WDPCP: variants seen among roughly 807,000 people sequenced by gnomAD.
WDPCP encodes WD repeat-containing and planar cell polarity effector protein fritz homolog.
WDPCP carries 71 observed loss-of-function variants against 93.1 expected under a neutral mutation model. That is an observed-to-expected ratio of 0.76 (90% confidence interval 0.63 to 0.93). The LOEUF is 0.93. Among genes scored for constraint, WDPCP ranks in the 40% least tolerant of loss-of-function variants. The probability of loss-of-function intolerance (pLI) is 0.00; values close to 1 mark genes in which losing one functional copy is unlikely to be tolerated. For synonymous variants in WDPCP, 315 were observed against 315.0 expected (o/e 1.00, Z 0.00); for missense variants, 844 against 887.4 (o/e 0.95, Z 0.62).
chr2:63,714,267 C>T (rs947515498), intron 2 of WDPCP, among the ~76,000 whole-genome samples: 1 of 151,784 alleles, frequency 6.6e-6, no homozygotes, highest in Non-Finnish European at 1.5e-5. Context: ...ACCATCTTGG[C>T]CAGCTGGTCA....
chr2:63,690,161 C>T (rs956058576), intron 2 of WDPCP, among the ~76,000 whole-genome samples: 1 of 152,224 alleles, frequency 6.6e-6, no homozygotes. Context: ...CTGTTCTACC[C>T]TGTTCAAAGC....
intron 12 of WDPCP, among the ~76,000 whole-genome samples, chr2:63,341,006 T>A (rs1229595764): frequency 6.6e-6 from 1 of 152,244 alleles, no homozygotes; most frequent in Non-Finnish European, 1.5e-5. Context: ...TTCTGGGACC[T>A]CTTAAGAGTC....
chr2:63,163,542 G>C (rs761400705), intron 15 of WDPCP, among the ~76,000 whole-genome samples: 12 of 152,128 alleles, frequency 7.9e-5, no homozygotes, highest in Non-Finnish European at 1.8e-4. Context: ...ATTTATTTCA[G>C]TTTAAGATAC....
chr2:63,516,944 T>C lies in WDPCP; in HGVS notation c.76-24004A>G, dbSNP rs140455437. Among the ~76,000 whole-genome samples, 687 of 151,318 alleles carry C rather than the reference T, an allele frequency of 4.5e-3. 8 individuals carry two copies. The highest frequency in any genetic ancestry group is 0.016 in the African/African-American group (643 of 40,942). On this transcript the variant is annotated intron_variant, in intron 1 of 17. Transcript: ENST00000272321. ...GAGGACAGGGAGAGAAACAGGGAGG[T>C]AGGGAAGAAGGTGGGAGAAAGAAGT...
At chr2:63,569,658 C>T (rs1707332721) in intron 1 of WDPCP, among the ~76,000 whole-genome samples, 1 of 152,174 alleles carries the variant, frequency 6.6e-6, no homozygotes, top group Non-Finnish European at 1.5e-5. Flanking sequence ...CATTTGCTAA[C>T]TCACGTGGGC....
intron 6 of WDPCP, among the ~76,000 whole-genome samples, chr2:63,469,689 GCCTA>G (rs1024053859): frequency 6.6e-6 from 1 of 152,108 alleles, no homozygotes; most frequent in Admixed American, 6.6e-5. Flanking sequence ...AGACACTGGG[GCCTA>G]CCTGAGGATG....
chr2:63,211,246 C>A (rs765423093), intron 14 of WDPCP, among the ~76,000 whole-genome samples: 1 of 152,186 alleles, frequency 6.6e-6, no homozygotes, highest in Non-Finnish European at 1.5e-5. Context: ...CGGCCAGGTG[C>A]CCCTCTGAGA....
intron 2 of WDPCP, among the ~76,000 whole-genome samples, chr2:63,784,289 T>C (rs1670438385): frequency 6.6e-6 from 1 of 152,120 alleles, no homozygotes; most frequent in Non-Finnish European, 1.5e-5. Context: ...TAGAAGGGCA[T>C]TCAAAGGAAG....
intron 12 of WDPCP, 158 bp downstream of exon 12, chr2:63,378,228 A>T: frequency 1.0e-6 from 1 of 1,002,830 alleles, no homozygotes; most frequent in Non-Finnish European, 1.4e-6. Context: ...AATGAAAACA[A>T]TAACAAATTA....
chr2:63,254,295 G>A (rs973707038), intron 14 of WDPCP, among the ~76,000 whole-genome samples: 5 of 152,020 alleles, frequency 3.3e-5, no homozygotes, highest in Non-Finnish European at 7.4e-5. Context: ...CTGGGTGATG[G>A]GGATCATTCA....
At chr2:63,297,324 A>G (rs1349397950) in intron 13 of WDPCP, among the ~76,000 whole-genome samples, 1 of 152,218 alleles carries the variant, frequency 6.6e-6, no homozygotes, top group Non-Finnish European at 1.5e-5. Flanking sequence ...TATGGAATAG[A>G]TCCTCAGGTT....
At chr2:63,743,757 T>C (rs1241798076) in intron 2 of WDPCP, among the ~76,000 whole-genome samples, 3 of 152,144 alleles carry the variant, frequency 2.0e-5, no homozygotes, top group African/African-American at 4.8e-5. Context: ...AAAAATACCA[T>C]GAGCTGCTTA....
At chr2:63,344,490 C>A (rs1248886632) in intron 12 of WDPCP, among the ~76,000 whole-genome samples, 1 of 152,146 alleles carries the variant, frequency 6.6e-6, no homozygotes, top group East Asian at 1.9e-4. Context: ...TATTTCTGAG[C>A]CTGTGTCCAG....
rs542348306 is a variant in WDPCP at position 63,484,680 on chromosome 2, A to G, written c.325-17T>C. On this transcript the variant is annotated splice_polypyrimidine_tract_variant and intron_variant, in intron 5 of 17. Transcript: ENST00000272321. Reference sequence around the variant, plus strand: ...CATCAGCTCCTGAAGCACAACAGAAAAAGAGAGAGCGTAGTTGGCTGTACA... The same window carrying G: ...CATCAGCTCCTGAAGCACAACAGAAGAAGAGAGAGCGTAGTTGGCTGTACA... The G allele has an allele frequency of 2.3e-5, 37 of 1,612,786 alleles. No individual in the cohort carries two copies. The East Asian group carries it at 5.8e-4, about 25-fold the overall frequency.
chr2:63,541,762 T>G (rs10153822), intron 1 of WDPCP, among the ~76,000 whole-genome samples: 10,512 of 152,212 alleles, frequency 0.069, 1,110 homozygotes, highest in African/African-American at 0.23. Flanking sequence ...CCTGCTTTTT[T>G]GACATCACTT....
chr2:63,268,648 G>A (rs1283535982), intron 13 of WDPCP, among the ~76,000 whole-genome samples: 3 of 151,468 alleles, frequency 2.0e-5, no homozygotes, highest in African/African-American at 7.3e-5. Context: ...TTTTGTTTTT[G>A]TTTTTATTTT....
At chr2:63,383,308 T>C (rs1339436608) in intron 10 of WDPCP, among the ~76,000 whole-genome samples, 1 of 152,110 alleles carries the variant, frequency 6.6e-6, no homozygotes, top group Non-Finnish European at 1.5e-5. Flanking sequence ...TTTATAAAAA[T>C]GATCCAAAAT....
At chr2:63,136,983 C>T (rs1559144946) in intron 17 of WDPCP, among the ~76,000 whole-genome samples, 2 of 152,098 alleles carry the variant, frequency 1.3e-5, no homozygotes. Context: ...AGGTTGACTC[C>T]ATGTCTTTGC....
intron 1 of WDPCP, among the ~76,000 whole-genome samples, chr2:63,568,906 G>A (rs534323636): frequency 2.0e-5 from 3 of 152,264 alleles, no homozygotes; most frequent in East Asian, 1.9e-4. Flanking sequence ...TCTTTATCAC[G>A]GCTAGCAGAT....
Sources: gnomAD v4.1 joint callset for allele counts (sites outside exome capture counted in the v4.1 genomes callset) on GRCh38, gnomAD v4.1.1 for gene constraint, MANE v1.5 for transcripts, NCBI Gene and HGNC (gene_info 2026-07-23, HGNC 2026-07-21) for gene names.